CPQ: variants seen among roughly 807,000 people sequenced by gnomAD.
CPQ encodes Ser-Met dipeptidase.
Under a neutral mutation model 45.7 loss-of-function variants are expected in CPQ, and 37 were observed. The observed-to-expected ratio is 0.81, with a 90% CI of 0.62 to 1.07. The LOEUF (loss-of-function observed/expected upper bound fraction) is 1.07. CPQ is among the 50% of genes least tolerant of loss of function. The pLI, the probability that CPQ is intolerant of heterozygous loss-of-function variation, is 0.00. For missense variants in CPQ, 537 were observed against 572.9 expected (o/e 0.94, Z 0.64); for synonymous variants, 186 against 205.8 (o/e 0.90, Z 0.82).
chr8:96,924,911 T>C (rs946762607), intron 4 of CPQ, among the ~76,000 whole-genome samples: 6 of 152,220 alleles, frequency 3.9e-5, no homozygotes, highest in African/African-American at 1.2e-4. Context: ...TTTAACTTTT[T>C]TGTTCTGTTT....
At chr8:96,836,314 GAA>G (rs1478122868) in intron 3 of CPQ, among the ~76,000 whole-genome samples, 1 of 152,126 alleles carries the variant, frequency 6.6e-6, no homozygotes, top group Non-Finnish European at 1.5e-5. Context: ...CCAGTCAGAG[GAA>G]AGTTGTACAA....
At chr8:96,805,980 G>C (rs1312516888) in intron 2 of CPQ, among the ~76,000 whole-genome samples, 1 of 152,140 alleles carries the variant, frequency 6.6e-6, no homozygotes, top group Admixed American at 6.6e-5. Flanking sequence ...TCTGGCAATG[G>C]ATCAGCCATA....
chr8:97,129,296 T>C (rs1198866295), intron 7 of CPQ, among the ~76,000 whole-genome samples: 1 of 152,082 alleles, frequency 6.6e-6, no homozygotes, highest in Non-Finnish European at 1.5e-5. Context: ...GTCTTCTCCC[T>C]AAGATGAGTA....
chr8:97,078,763 T>TTCTCTCTCTC lies in CPQ; in HGVS notation c.1255+12588_1255+12597dup, dbSNP rs749278181. ...ACTCTAAATATGATATCATTTCCAT[T>TTCTCTCTCTC]TCTCTCTCTCTCTCTCTCTCTCTCT... On this transcript the variant is annotated intron_variant, in intron 7 of 7. Coordinates refer to ENST00000220763, the MANE Select transcript of CPQ (RefSeq NM_016134.4). Among the ~76,000 whole-genome samples, 305 of 100,284 alleles carry TTCTCTCTCTC rather than the reference T, an allele frequency of 3.0e-3. 8 individuals are homozygous for TTCTCTCTCTC. The highest frequency in any genetic ancestry group is 8.1e-3 in the East Asian group (26 of 3,216). The allele number at this position is 100,284 out of a possible 152,430, so 65.8% of individuals were successfully genotyped here.
chr8:97,113,713 G>A (rs539419529), intron 7 of CPQ, among the ~76,000 whole-genome samples: 5 of 152,288 alleles, frequency 3.3e-5, no homozygotes, highest in African/African-American at 7.2e-5. Flanking sequence ...CAGTTAGAGC[G>A]CAACAAATGT....
chr8:96,904,624 T>C (rs1342165476), intron 4 of CPQ, among the ~76,000 whole-genome samples: 2 of 152,164 alleles, frequency 1.3e-5, no homozygotes, highest in African/African-American at 4.8e-5. Context: ...CCACAGATGC[T>C]TTTTAAAAAG....
intron 2 of CPQ, among the ~76,000 whole-genome samples, chr8:96,830,926 G>A (rs1249002933): frequency 6.6e-6 from 1 of 152,144 alleles, no homozygotes; most frequent in African/African-American, 2.4e-5. Flanking sequence ...AATGGGAAGA[G>A]CATGACCCCT....
chr8:96,700,281 A>C (rs1325153638), intron 1 of CPQ, among the ~76,000 whole-genome samples: 1 of 152,096 alleles, frequency 6.6e-6, no homozygotes, highest in Non-Finnish European at 1.5e-5. Context: ...GTCTAAGAAG[A>C]AGACAGAGAA....
intron 1 of CPQ, among the ~76,000 whole-genome samples, chr8:96,777,754 ATATATATTTTTTTTTTTTTTTTTTTT>A (rs1160195314): frequency 8.1e-5 from 1 of 12,318 alleles, no homozygotes; most frequent in African/African-American, 3.4e-4. Context: ...ATATATATAT[ATATATATTTTTTTTTTTTTTTTTTTT>A]TTTTTTTTTT....
intron 4 of CPQ, among the ~76,000 whole-genome samples, chr8:96,912,021 A>T (rs1255378489): frequency 1.3e-5 from 2 of 152,162 alleles, no homozygotes; most frequent in Non-Finnish European, 2.9e-5. Flanking sequence ...CCCACCCATT[A>T]GCTGGTGCTG....
chr8:96,930,842 C>T (rs1473364919), intron 4 of CPQ, among the ~76,000 whole-genome samples: 1 of 152,206 alleles, frequency 6.6e-6, no homozygotes, highest in Non-Finnish European at 1.5e-5. Context: ...TCTGTCAACA[C>T]TGCCATGAGA....
rs572146290 is a variant in CPQ at position 96,840,099 on chromosome 8, G to T, written c.641+4919G>T. Among the ~76,000 whole-genome samples the T allele has an allele frequency of 2.6e-4, 40 of 152,286 alleles. No homozygotes were observed. In the South Asian group the frequency reaches 8.1e-3, roughly 31 times the overall value. On this transcript the variant is annotated intron_variant, in intron 3 of 7. Transcript: ENST00000220763. ...AGGAGATAACAGAAATCTGATTGGG[G>T]TTGGTTGCACTGACAATGTGGATTT...
At chr8:96,881,079 A>G (rs890959509) in intron 4 of CPQ, among the ~76,000 whole-genome samples, 6 of 152,188 alleles carry the variant, frequency 3.9e-5, no homozygotes, top group African/African-American at 1.4e-4. Context: ...GGCATTTGAG[A>G]TAAAACCAAT....
At chr8:96,892,426 G>T (rs540454869) in intron 4 of CPQ, among the ~76,000 whole-genome samples, 5 of 152,098 alleles carry the variant, frequency 3.3e-5, no homozygotes, top group Non-Finnish European at 7.4e-5. Flanking sequence ...TTAAGCAGCT[G>T]TTTAAACTTT....
At chr8:96,675,182 T>A (rs181478457) in intron 1 of CPQ, among the ~76,000 whole-genome samples, 14 of 152,226 alleles carry the variant, frequency 9.2e-5, no homozygotes, top group Admixed American at 8.5e-4. Flanking sequence ...GTAAGTTTCC[T>A]TCTTCCTCCT....
intron 4 of CPQ, among the ~76,000 whole-genome samples, chr8:96,950,709 T>C (rs990861589): frequency 3.3e-5 from 5 of 152,144 alleles, no homozygotes; most frequent in Non-Finnish European, 7.4e-5. Flanking sequence ...CAATAAAATA[T>C]GTAATTAAAT....
At chr8:96,906,925 C>A (rs919160126) in intron 4 of CPQ, among the ~76,000 whole-genome samples, 7 of 152,066 alleles carry the variant, frequency 4.6e-5, no homozygotes, top group South Asian at 2.1e-4. Flanking sequence ...TTCTAATAAG[C>A]TATTAGTTAG....
chr8:96,843,062 C>T (rs990796857), intron 3 of CPQ, among the ~76,000 whole-genome samples: 4 of 152,014 alleles, frequency 2.6e-5, no homozygotes, highest in African/African-American at 7.2e-5. Flanking sequence ...CCCGCCACCA[C>T]GTCCAGCTAA....
intron 1 of CPQ, among the ~76,000 whole-genome samples, chr8:96,712,692 G>A (rs1809627571): frequency 6.6e-6 from 1 of 152,180 alleles, no homozygotes; most frequent in Non-Finnish European, 1.5e-5. Context: ...CATAGAGCAT[G>A]GGGGCCCTGT....
Sources: allele counts gnomAD v4.1 joint callset (sites outside exome capture counted in the v4.1 genomes callset), GRCh38; gene constraint gnomAD v4.1.1; transcripts MANE v1.5; gene names NCBI Gene and HGNC (gene_info 2026-07-23, HGNC 2026-07-21).